The following ROBO2 variants were observed in gnomAD, a reference collection of about 807,000 sequenced individuals.
The protein encoded by ROBO2 is roundabout guidance receptor 2.
A neutral mutation model predicts 160.8 loss-of-function variants in ROBO2; 53 were observed. The ratio of observed to expected loss-of-function variants is 0.33; its 90% confidence interval spans 0.26 to 0.41. The LOEUF is 0.41. ROBO2 is among the 10% of genes least tolerant of loss of function. The pLI is 1.00. For synonymous variants in ROBO2, 664 were observed against 611.7 expected (o/e 1.09, Z -1.26); for missense variants, 1,577 against 1,722.4 (o/e 0.92, Z 1.49).
Position 76,421,044 on chromosome 3 carries a change from A to T in ROBO2, c.109+483442A>T, listed in dbSNP as rs539332175. ...ATCAGCAGGAAATCAATGAGATTTT[A>T]GGGGTATAGCTAGTTTCACAATAAT... On this transcript the variant is annotated intron_variant, in intron 2 of 26. Transcript: ENST00000487694. Among the ~76,000 whole-genome samples the T allele has an allele frequency of 3.5e-4, 54 of 152,334 alleles. No individual in the cohort carries two copies. In the South Asian group the frequency reaches 0.011, roughly 31 times the overall value.
intron 2 of ROBO2, among the ~76,000 whole-genome samples, chr3:76,014,702 A>C (rs372691715): frequency 6.6e-6 from 1 of 152,152 alleles, no homozygotes; most frequent in East Asian, 1.9e-4. Context: ...CCCAGGTGGG[A>C]TGATCACTTT....
intron 2 of ROBO2, among the ~76,000 whole-genome samples, chr3:76,368,391 T>A (rs866171520): frequency 1.3e-5 from 2 of 151,740 alleles, no homozygotes; most frequent in Admixed American, 1.3e-4. Flanking sequence ...AGCTGGGTGA[T>A]TTTTTTTACT....
At chr3:77,521,322 T>C (rs1561064097) in intron 5 of ROBO2, among the ~76,000 whole-genome samples, 1 of 151,270 alleles carries the variant, frequency 6.6e-6, no homozygotes, top group Non-Finnish European at 1.5e-5. Context: ...TACTGGATGT[T>C]AAAAACTCTA....
intron 21 of ROBO2, among the ~76,000 whole-genome samples, chr3:77,611,297 C>A (rs1477337049): frequency 3.6e-3 from 470 of 131,852 alleles, no homozygotes; most frequent in Middle Eastern, 4.3e-3. Flanking sequence ...GACTCTGTCT[C>A]AAAAAAAAAA....
At chr3:77,251,455 C>A (rs2090335046) in intron 2 of ROBO2, among the ~76,000 whole-genome samples, 1 of 152,122 alleles carries the variant, frequency 6.6e-6, no homozygotes, top group South Asian at 2.1e-4. Context: ...CAAAACGTTG[C>A]TCTCAACGCC....
At chr3:76,575,337 C>A (rs995035547) in intron 2 of ROBO2, among the ~76,000 whole-genome samples, 1 of 151,900 alleles carries the variant, frequency 6.6e-6, no homozygotes, top group African/African-American at 2.4e-5. Flanking sequence ...TAAAATATTT[C>A]TTTATATTAC....
chr3:76,854,225 T>C (rs932248069), intron 2 of ROBO2, among the ~76,000 whole-genome samples: 5 of 152,068 alleles, frequency 3.3e-5, no homozygotes, highest in Admixed American at 6.5e-5. Flanking sequence ...AAGTAATCCA[T>C]TGTATGGATG....
intron 1 of ROBO2, among the ~76,000 whole-genome samples, chr3:77,050,287 A>G (rs575090416): frequency 2.6e-5 from 4 of 152,014 alleles, no homozygotes; most frequent in South Asian, 2.1e-4. Context: ...CACCTTCCTC[A>G]TCTTAAGCAT....
intron 2 of ROBO2, among the ~76,000 whole-genome samples, chr3:76,182,899 C>T (rs1234837846): frequency 1.3e-5 from 2 of 152,078 alleles, no homozygotes; most frequent in Non-Finnish European, 2.9e-5. Context: ...CTGCTTGTTC[C>T]TGGTGTCTAT....
intron 2 of ROBO2, among the ~76,000 whole-genome samples, chr3:76,754,664 G>A (rs190325500): frequency 6.6e-6 from 1 of 151,986 alleles, no homozygotes; most frequent in African/African-American, 2.4e-5. Context: ...CTGGAATCAT[G>A]TTTTGGACAA....
upstream of ROBO2, among the ~76,000 whole-genome samples, chr3:77,035,716 T>C (rs781691406): frequency 1.3e-5 from 2 of 151,898 alleles, no homozygotes; most frequent in Admixed American, 6.6e-5. Context: ...ATTCATTTTA[T>C]CTTGGCTCCC....
At chr3:77,508,938 G>A (rs1352210427) in intron 5 of ROBO2, among the ~76,000 whole-genome samples, 2 of 152,036 alleles carry the variant, frequency 1.3e-5, no homozygotes, top group Non-Finnish European at 2.9e-5. Context: ...ACTCTCATAA[G>A]TTTGTAGTTG....
At chr3:76,939,528 C>G (rs1009362037) in intron 2 of ROBO2, among the ~76,000 whole-genome samples, 6 of 152,110 alleles carry the variant, frequency 3.9e-5, no homozygotes, top group African/African-American at 1.4e-4. Flanking sequence ...CAGTGGCTCA[C>G]ACCTGTAATC....
intron 1 of ROBO2, among the ~76,000 whole-genome samples, chr3:75,923,169 G>A (rs1165122025): frequency 1.3e-5 from 2 of 152,172 alleles, no homozygotes; most frequent in East Asian, 1.9e-4. Flanking sequence ...CACAGTTTTT[G>A]ATGCACATTT....
chr3:76,590,963 C>A (rs2086379265), intron 2 of ROBO2, among the ~76,000 whole-genome samples: 1 of 152,040 alleles, frequency 6.6e-6, no homozygotes, highest in Non-Finnish European at 1.5e-5. Context: ...CGATATGTTA[C>A]ATATCTGCGA....
intron 2 of ROBO2, among the ~76,000 whole-genome samples, chr3:76,225,983 C>T (rs530225558): frequency 5.3e-4 from 81 of 152,102 alleles, no homozygotes; most frequent in African/African-American, 1.9e-3. Flanking sequence ...TTCAACATTG[C>T]CCAAATGTGG....
intron 9 of ROBO2, among the ~76,000 whole-genome samples, chr3:77,561,080 CA>C (rs1256746669): frequency 2.0e-5 from 3 of 152,034 alleles, no homozygotes; most frequent in Non-Finnish European, 4.4e-5. Flanking sequence ...GATAATATGG[CA>C]AAGAATGTCA....
intron 2 of ROBO2, among the ~76,000 whole-genome samples, chr3:76,272,946 A>ATATATTT (rs1553693135): frequency 0.14 from 4,160 of 28,726 alleles, 940 homozygotes; most frequent in Non-Finnish European, 0.29. Context: ...AAATATATAA[A>ATATATTT]ATATATAATA....
At chr3:76,747,221 A>G (rs899901201) in intron 2 of ROBO2, among the ~76,000 whole-genome samples, 3 of 152,172 alleles carry the variant, frequency 2.0e-5, no homozygotes, top group Non-Finnish European at 4.4e-5. Flanking sequence ...AAAGCAAACA[A>G]CATCTGTTTA....
Sources: allele counts gnomAD v4.1 joint callset (sites outside exome capture counted in the v4.1 genomes callset), GRCh38; gene constraint gnomAD v4.1.1; transcripts MANE v1.5; gene names NCBI Gene and HGNC (gene_info 2026-07-23, HGNC 2026-07-21).